FLT4: variants seen among roughly 807,000 people sequenced by gnomAD.
FLT4 encodes fms related receptor tyrosine kinase 4.
FLT4 carries 30 observed loss-of-function variants against 163.2 expected under a neutral mutation model. The ratio of observed to expected loss-of-function variants is 0.18; its 90% confidence interval spans 0.14 to 0.25. The LOEUF (loss-of-function observed/expected upper bound fraction) is 0.25, where lower values mean the gene tolerates loss of function less well. FLT4 is among the 10% of genes least tolerant of loss of function. FLT4 has a pLI of 1.00. For synonymous variants in FLT4, 884 were observed against 789.5 expected (o/e 1.12, Z -2.01); for missense variants, 1,510 against 1,863.8 (o/e 0.81, Z 3.50).
At chr5:180,638,455 A>G (rs4700745) in intron 1 of FLT4, among the ~76,000 whole-genome samples, 72,244 of 152,026 alleles carry the variant, frequency 0.48, 17,802 homozygotes, top group Admixed American at 0.57. Flanking sequence ...ACGCACCCCA[A>G]AGTGGCTTCT....
Position 180,619,122 on chromosome 5 carries a change from CG to C in FLT4, c.2762-14del. 6.7e-7 allele frequency: 1 copy of C among 1,489,630 alleles called. No homozygotes were observed. The highest frequency in any genetic ancestry group is 8.9e-7 in the Non-Finnish European group (1 of 1,119,154). The allele number at this position is 1,489,630 out of a possible 1,614,324, so 92.3% of individuals were successfully genotyped here. A position where few individuals can be genotyped will look rare whatever the true frequency, so the allele number is the denominator to read the frequency against. ...ACCATGAGGGGGCCTGCGGCGGGAC[CG>C]GGCGGCGGCCGTGCGTTCGGAACCC... On this transcript the variant is annotated splice_polypyrimidine_tract_variant and intron_variant, in intron 19 of 29. Transcript: ENST00000261937.
intron 1 of FLT4, among the ~76,000 whole-genome samples, chr5:180,634,112 G>T (rs1305126905): frequency 6.6e-6 from 1 of 152,156 alleles, no homozygotes; most frequent in Non-Finnish European, 1.5e-5. Context: ...AGGAGGCATG[G>T]ACCTCCTCCT....
intron 22 of FLT4, 42 bp downstream of exon 22, chr5:180,616,858 T>G: frequency 1.4e-6 from 2 of 1,481,406 alleles, no homozygotes; most frequent in African/African-American, 1.4e-5. Flanking sequence ...CTGGTGGGGA[T>G]GCACCCTTTT....
Position 180,625,874 on chromosome 5 carries a change from A to G in FLT4, c.1416T>C (p.Arg472=). The change falls in exon 10 of 30, where the codon CGT becomes CGC. Residue 472 remains arginine, a synonymous_variant. Coordinates refer to ENST00000261937, the MANE Select transcript of FLT4 (RefSeq NM_182925.5). ...PWTPCKMFAQ[R]SLRRRQQQDL... is the part of the protein sequence containing the mutation. ...GAGGCTGGAGCTGTACTCACAGACT[A>G]CGCTGGGCAAACATCTTGCAGGGTG... is the stretch of plus-strand genomic sequence containing the variant. 1 of 1,611,470 alleles carries G rather than the reference A, an allele frequency of 6.2e-7. No homozygotes were observed. The highest frequency in any genetic ancestry group is 8.5e-7 in the Non-Finnish European group (1 of 1,179,880).
rs1013609599 is a variant in FLT4 at position 180,619,705 on chromosome 5, C to T, written c.2607G>A (p.Lys869=). Residue 869 remains lysine (K), a synonymous_variant, in exon 18 of 30, where the codon AAG becomes AAA. Transcript: ENST00000261937. ...CGGCCACGGTGTCACAGCTGCTGCC[C>T]TTGTGGATGCCGAAAGCGGAGGCTT... ...VVEASAFGIH[K]GSSCDTVAVK... The T allele has an allele frequency of 1.9e-6, 3 of 1,612,718 alleles. No homozygotes were observed. The highest frequency in any genetic ancestry group is 3.3e-5 in the Admixed American group (2 of 60,032).
intron 19 of FLT4, 42 bp from the exon 20 acceptor site, chr5:180,619,151 G>A (rs1299043209): frequency 3.7e-5 from 52 of 1,388,468 alleles, no homozygotes; most frequent in Non-Finnish European, 4.6e-5. Flanking sequence ...CGGAACCCGG[G>A]GCGCGCTGCG....
upstream of FLT4, among the ~76,000 whole-genome samples, chr5:180,650,094 A>G (rs1765666840): frequency 6.8e-6 from 1 of 146,028 alleles, no homozygotes; most frequent in Non-Finnish European, 1.5e-5. Flanking sequence ...GGGCTGAGGC[A>G]GGAGAATCGC....
At chr5:180,609,572 G>A in intron 28 of FLT4, 1 of 393,296 alleles carries the variant, frequency 2.5e-6, no homozygotes, top group South Asian at 2.3e-5. Flanking sequence ...TCTGGCCAAG[G>A]GCTCCCATGG....
At chr5:180,633,406 G>C (rs1764323428) in intron 1 of FLT4, among the ~76,000 whole-genome samples, 1 of 152,166 alleles carries the variant, frequency 6.6e-6, no homozygotes, top group Non-Finnish European at 1.5e-5. Flanking sequence ...CCGAGTCTTT[G>C]CTTTGCCAGC....
At position 180,620,501 on chromosome 5, in the gene FLT4, C is replaced by T; in HGVS notation, c.2406+108G>A. ...AAGGGCAGGGAGGCTTCCCAGGAAA[C>T]AAGGCTGCCAGGTGAACTAGGGCGG... On this transcript the variant is annotated intron_variant, in intron 16 of 29. Transcript: ENST00000261937. The surrounding 1 kb of genome is among the most constrained non-coding windows in gnomAD (Gnocchi z 4.4). 8.4e-7 allele frequency: 1 copy of T among 1,192,942 alleles called. No individual in the cohort carries two copies. The highest frequency in any genetic ancestry group is 1.2e-6 in the Non-Finnish European group (1 of 811,680). The allele number at this position is 1,192,942 out of a possible 1,614,324, so 73.9% of individuals were successfully genotyped here. A position where few individuals can be genotyped will look rare whatever the true frequency, so the allele number is the denominator to read the frequency against.
At chr5:180,633,736 T>C (rs886220627) in intron 1 of FLT4, among the ~76,000 whole-genome samples, 2 of 151,962 alleles carry the variant, frequency 1.3e-5, no homozygotes, top group Admixed American at 6.6e-5. Flanking sequence ...CCGGAGTGGG[T>C]GGTGGTCTGT....
Position 180,621,709 on chromosome 5 carries a change from G to A in FLT4, c.1853C>T (p.Thr618Ile), listed in dbSNP as rs772241870. The change falls in exon 13 of 30, where the codon ACC becomes ATC. Residue 618 changes from threonine to isoleucine, a missense_variant. Physicochemically the swap from Thr to Ile is moderately conservative, Grantham distance 89. Coordinates refer to ENST00000261937, the MANE Select transcript of FLT4 (RefSeq NM_182925.5). ...LDCKNVHLFATPLAASLEEVA... is the reference protein window; with the variant it reads ...LDCKNVHLFAIPLAASLEEVA... ...CTCCTCCAGGCTGGCGGCCAGAGGG[G>A]TGGCGAACAGATGCACGTTCTTGCA... The A allele has an allele frequency of 1.2e-6, 2 of 1,612,884 alleles. No homozygotes were observed. The highest frequency in any genetic ancestry group is 1.3e-5 in the African/African-American group (1 of 75,056).
At position 180,630,347 on chromosome 5, in the gene FLT4, G is replaced by A. The variant is rs1763999556; in HGVS notation, c.401-10C>T. 3 of 1,605,770 alleles carry A rather than the reference G, an allele frequency of 1.9e-6. No individual in the cohort carries two copies. The East Asian group carries it at 6.7e-5, about 36-fold the overall frequency. ...AATGGCTGCTCAAAGTCTATGGAGA[G>A]GGAGCAAGCTGTTGGGGAAGGGACG... On this transcript the variant is annotated splice_polypyrimidine_tract_variant and intron_variant, in intron 3 of 29. Transcript: ENST00000261937. This position sits in a 1 kb window ranked among gnomAD's most constrained non-coding sequence, Gnocchi z 6.3.
chr5:180,621,566 G>A lies in FLT4; in HGVS notation c.1996C>T (p.His666Tyr). The change falls in exon 13 of 30, where the codon CAC (histidine) becomes TAC (tyrosine). Residue 666 changes from histidine to tyrosine, a missense_variant. His to Tyr is a moderately conservative substitution (Grantham distance 83). This residue lies in a region of FLT4 where 878 missense variants were observed against 1,016.7 expected (regional missense o/e 0.86). Coordinates refer to ENST00000261937, the MANE Select transcript of FLT4 (RefSeq NM_182925.5). ...QDRRSHDKHC[H>Y]KKYLSVQALE... ...CCCTGCACCGACAGGTACTTCTTGTGGCAGTGCTTGTCATGGCTGCGCCGG... is the reference window on the plus strand; with the variant it reads ...CCCTGCACCGACAGGTACTTCTTGTAGCAGTGCTTGTCATGGCTGCGCCGG... 1 of 1,612,100 alleles carries A rather than the reference G, an allele frequency of 6.2e-7. No homozygotes were observed. Among genetic ancestry groups the A allele is most frequent in the South Asian group, 1.1e-5 (1 of 91,036 alleles).
At chr5:180,610,925 C>T (rs1373488957) in intron 27 of FLT4, among the ~76,000 whole-genome samples, 3 of 152,208 alleles carry the variant, frequency 2.0e-5, no homozygotes, top group Non-Finnish European at 2.9e-5. Context: ...GGCGTGGTGG[C>T]GGGTGCCTGT....
In FLT4 at chr5:180,611,602, G is replaced by A. The variant is rs1284644579; in HGVS notation, c.3538-123C>T. ...ACCCCCGCCCTCAGCCCTCGCCCCC[G>A]CACTCAGCTCTCGCCCCCGCCCTCG... is the stretch of plus-strand genomic sequence containing the variant. On this transcript the variant is annotated intron_variant, in intron 26 of 29. Coordinates refer to ENST00000261937, the MANE Select transcript of FLT4 (RefSeq NM_182925.5). 2.4e-5 allele frequency: 23 copies of A among 965,528 alleles called. No homozygotes were observed. In the African/African-American group the frequency reaches 3.8e-4, roughly 16 times the overall value. 59.8% of individuals were successfully genotyped at this position (965,528 alleles called of 1,614,324 possible).
rs1561714700 is a variant in FLT4 at position 180,620,124 on chromosome 5, G to GGTGGGTCGGGCAGGAGGT, written c.2542+31_2542+48dup. The GGTGGGTCGGGCAGGAGGT allele has an allele frequency of 1.3e-6, 2 of 1,582,688 alleles. No individual in the cohort carries two copies. Among genetic ancestry groups the GGTGGGTCGGGCAGGAGGT allele is most frequent in the Non-Finnish European group, 1.7e-6 (2 of 1,167,296 alleles). Reference sequence around the variant, plus strand: ...GATTCAGGCACTCCGGCCTGCAGCAGGTGGGTCGGGCAGGAGGTGTGGGTT... The same window carrying GGTGGGTCGGGCAGGAGGT: ...GATTCAGGCACTCCGGCCTGCAGCAGGTGGGTCGGGCAGGAGGTGTGGGTCGGGCAGGAGGTGTGGGTT... On this transcript the variant is annotated intron_variant, in intron 17 of 29. Coordinates refer to ENST00000261937, the MANE Select transcript of FLT4 (RefSeq NM_182925.5). This position sits in a 1 kb window ranked among gnomAD's most constrained non-coding sequence, Gnocchi z 4.4.
At chr5:180,613,160 G>C in intron 24 of FLT4, 50 bp from the exon 25 acceptor site, 6 of 1,377,228 alleles carry the variant, frequency 4.4e-6, no homozygotes, top group Non-Finnish European at 5.1e-6. Context: ...CTGCGGCTCA[G>C]CCCAGCCCCC....
At chr5:180,604,980 A>C (rs78795510) in intron 29 of FLT4, among the ~76,000 whole-genome samples, 8 of 152,168 alleles carry the variant, frequency 5.3e-5, no homozygotes, top group African/African-American at 1.9e-4. Flanking sequence ...TTTTCCCCCA[A>C]AATGGGGGCT....
Sources: allele counts gnomAD v4.1 joint callset (sites outside exome capture counted in the v4.1 genomes callset), GRCh38; gene constraint gnomAD v4.1.1; regional missense constraint gnomAD v4.1.1; non-coding constraint Gnocchi (gnomAD v3.1); transcripts MANE v1.5; gene names NCBI Gene and HGNC (gene_info 2026-07-23, HGNC 2026-07-21).